KLF12: variants seen among roughly 807,000 people sequenced by gnomAD.
The protein encoded by KLF12 is Krueppel-like factor 12.
Under a neutral mutation model 37.8 loss-of-function variants are expected in KLF12, and 9 were observed. The ratio of observed to expected loss-of-function variants is 0.24; its 90% CI spans 0.14 to 0.42. KLF12 has a LOEUF of 0.42. KLF12 is among the 10% of genes least tolerant of loss of function. KLF12 has a pLI of 1.00. For missense variants in KLF12, 411 were observed against 516.0 expected (o/e 0.80, Z 1.97); for synonymous variants, 208 against 202.1 (o/e 1.03, Z -0.25).
At chr13:74,279,217 G>A in the KLF12 span, among the ~76,000 whole-genome samples, 14 of 152,152 alleles carry the variant, frequency 9.2e-5, no homozygotes, top group African/African-American at 3.4e-4. Context: ...ATAATGGGAC[G>A]TAGGAAGCCC....
At chr13:73,810,444 CTTTAT>C (rs1252192527) in intron 5 of KLF12, among the ~76,000 whole-genome samples, 19 of 151,748 alleles carry the variant, frequency 1.3e-4, no homozygotes, top group African/African-American at 4.4e-4. Flanking sequence ...TTTTATTTTA[CTTTAT>C]TTTATTTTAT....
At chr13:74,046,727 A>T (rs1882504592) in intron 1 of KLF12, among the ~76,000 whole-genome samples, 3 of 152,190 alleles carry the variant, frequency 2.0e-5, no homozygotes, top group Admixed American at 6.5e-5. Flanking sequence ...TCTAAGAAGG[A>T]ATGTTTCATT....
chr13:74,264,284 A>G, the KLF12 span, among the ~76,000 whole-genome samples: 2 of 152,196 alleles, frequency 1.3e-5, no homozygotes, highest in Admixed American at 6.5e-5. Flanking sequence ...CTCAAATATT[A>G]AATTCTTGGG....
Position 73,840,646 on chromosome 13 carries a change from G to A in KLF12, c.670+5181C>T, listed in dbSNP as rs527491520. 8.6e-5 allele frequency among the ~76,000 whole-genome samples: 13 copies of A among 151,998 alleles called. No individual in the cohort carries two copies. In the East Asian group the frequency reaches 2.1e-3, roughly 25 times the overall value. ...CCCTTTACTAGTTCTTCCTAGTTCT[G>A]CTCCTTCCCCATATTCTTTACAGCA... On this transcript the variant is annotated intron_variant, in intron 4 of 7. Coordinates refer to ENST00000377669, the MANE Select transcript of KLF12 (RefSeq NM_007249.5).
At chr13:74,001,411 C>T (rs117616428) in intron 1 of KLF12, among the ~76,000 whole-genome samples, 27 of 152,332 alleles carry the variant, frequency 1.8e-4, no homozygotes, top group East Asian at 9.6e-4. Context: ...ATAGTTCACA[C>T]AGCCTAAGAA....
At chr13:74,183,944 T>C in the KLF12 span, among the ~76,000 whole-genome samples, 1 of 152,088 alleles carries the variant, frequency 6.6e-6, no homozygotes, top group Non-Finnish European at 1.5e-5. Context: ...TCTCAAAAAA[T>C]ATATACATTT....
intron 1 of KLF12, among the ~76,000 whole-genome samples, chr13:74,048,906 A>G (rs1017157497): frequency 6.6e-6 from 1 of 152,204 alleles, no homozygotes; most frequent in African/African-American, 2.4e-5. Context: ...GACCCTGGAA[A>G]GCCGAATGAG....
chr13:73,976,553 T>C (rs1171089926), intron 2 of KLF12, among the ~76,000 whole-genome samples: 1 of 152,170 alleles, frequency 6.6e-6, no homozygotes, highest in Non-Finnish European at 1.5e-5. Flanking sequence ...CCTACTCCAG[T>C]TGTTTGCAAT....
At chr13:73,945,957 G>C (rs1890404489) in intron 2 of KLF12, among the ~76,000 whole-genome samples, 1 of 152,080 alleles carries the variant, frequency 6.6e-6, no homozygotes, top group African/African-American at 2.4e-5. Flanking sequence ...TTTCACATGG[G>C]GCAGGGATCT....
At chr13:74,131,773 T>C (rs1238460103) in intron 1 of KLF12, among the ~76,000 whole-genome samples, 1 of 152,270 alleles carries the variant, frequency 6.6e-6, no homozygotes, top group African/African-American at 2.4e-5. Flanking sequence ...GAAAATTTTA[T>C]GTGAAAACAT....
At chr13:73,857,364 A>G (rs528878885) in intron 3 of KLF12, among the ~76,000 whole-genome samples, 1 of 152,350 alleles carries the variant, frequency 6.6e-6, no homozygotes, top group South Asian at 2.1e-4. Flanking sequence ...GACACAGAAA[A>G]TGATGTTGAA....
At chr13:73,967,466 T>A (rs1197954020) in intron 2 of KLF12, among the ~76,000 whole-genome samples, 3 of 152,050 alleles carry the variant, frequency 2.0e-5, no homozygotes, top group African/African-American at 4.8e-5. Flanking sequence ...GAAATACCAC[T>A]CCTGCTGAGA....
At chr13:73,760,964 T>C (rs114631962) in intron 6 of KLF12, among the ~76,000 whole-genome samples, 26 of 152,280 alleles carry the variant, frequency 1.7e-4, no homozygotes, top group African/African-American at 6.3e-4. Flanking sequence ...TTCACAGATA[T>C]TTCCCACTAA....
chr13:74,148,863 G>A, the KLF12 span, among the ~76,000 whole-genome samples: 1 of 150,966 alleles, frequency 6.6e-6, no homozygotes, highest in African/African-American at 2.5e-5. Context: ...CACCCAGGCT[G>A]GAGTGCAGGG....
chr13:74,260,688 A>G, the KLF12 span, among the ~76,000 whole-genome samples: 1 of 151,862 alleles, frequency 6.6e-6, no homozygotes, highest in South Asian at 2.1e-4. Flanking sequence ...TGGAAAAGCA[A>G]TAAAAAAAAT....
At chr13:74,220,397 TTTA>T in the KLF12 span, among the ~76,000 whole-genome samples, 2 of 152,344 alleles carry the variant, frequency 1.3e-5, no homozygotes, top group East Asian at 3.9e-4. Context: ...AGTGATTTTA[TTTA>T]TTGTTTTAAT....
Position 73,691,086 on chromosome 13 carries a change from A to G in KLF12, c.*4404T>C, listed in dbSNP as rs1873796191. On this transcript the variant is annotated 3_prime_UTR_variant, in exon 8 of 8. Transcript: ENST00000377669. The stretch of plus-strand genomic sequence containing the variant: ...TATAAGCCGGTTTCCTAATAAGGTA[A>G]GTAACTCACATTTCTAGACAGCACG... 1 of 152,660 alleles carries G rather than the reference A, an allele frequency of 6.6e-6. No individual in the cohort carries two copies. The highest frequency in any genetic ancestry group is 2.1e-4 in the South Asian group (1 of 4,834). The allele number at this position is 152,660 out of a possible 1,614,324, so 9.5% of individuals were successfully genotyped here. A position where few individuals can be genotyped will look rare whatever the true frequency, so the allele number is the denominator to read the frequency against.
chr13:73,704,862 G>T (rs1056895980), intron 7 of KLF12, among the ~76,000 whole-genome samples: 1 of 152,118 alleles, frequency 6.6e-6, no homozygotes, highest in Non-Finnish European at 1.5e-5. Flanking sequence ...TGCTAATAAA[G>T]ACTTGTTGAT....
rs1435764735 is a variant in KLF12 at position 73,695,335 on chromosome 13, C to T, written c.*155G>A. On this transcript the variant is annotated 3_prime_UTR_variant, in exon 8 of 8. Transcript: ENST00000377669. The stretch of plus-strand genomic sequence containing the variant: ...GTCATGATGGGGGTTACCTTCAGAC[C>T]AAAAGAAGTGTGCCTTCTTTTTCCT... 2.8e-6 allele frequency: 2 copies of T among 710,480 alleles called. No individual in the cohort carries two copies. The highest frequency in any genetic ancestry group is 2.7e-5 in the East Asian group (1 of 36,914). 44.0% of individuals were successfully genotyped at this position (710,480 alleles called of 1,614,324 possible). A position where few individuals can be genotyped will look rare whatever the true frequency, so the allele number is the denominator to read the frequency against.
Sources: allele counts gnomAD v4.1 joint callset (sites outside exome capture counted in the v4.1 genomes callset), GRCh38; gene constraint gnomAD v4.1.1; transcripts MANE v1.5; gene names NCBI Gene and HGNC (gene_info 2026-07-23, HGNC 2026-07-21).